The following COX10 variants were observed in gnomAD, a reference collection of about 807,000 sequenced individuals.
The protein encoded by COX10 is cytochrome c oxidase assembly factor heme A:farnesyltransferase COX10.
Under a neutral mutation model 37.3 loss-of-function variants are expected in COX10, and 27 were observed. The ratio of observed to expected loss-of-function variants is 0.72; its 90% CI spans 0.53 to 1.00. The LOEUF (loss-of-function observed/expected upper bound fraction) is 1.00. COX10 is among the 50% of genes least tolerant of loss of function. The pLI is 0.00. For missense variants in COX10, 475 were observed against 563.2 expected, an observed-to-expected ratio of 0.84 and a Z score of 1.59; for synonymous variants, 222 against 229.1, an observed-to-expected ratio of 0.97 and a Z score of 0.28.
chr17:14,080,483 G>T (rs1232485661), intron 3 of COX10, among the ~76,000 whole-genome samples: 2 of 152,052 alleles, frequency 1.3e-5, no homozygotes, highest in African/African-American at 4.8e-5. Flanking sequence ...AAAGTGCTGG[G>T]ATTACAGGCG....
At chr17:14,186,769 C>A (rs1357344382) in intron 5 of COX10, among the ~76,000 whole-genome samples, 1 of 152,038 alleles carries the variant, frequency 6.6e-6, no homozygotes, top group Non-Finnish European at 1.5e-5. Context: ...TCCAGCCACC[C>A]CAGGCCCTCA....
intron 4 of COX10, among the ~76,000 whole-genome samples, chr17:14,158,570 A>G: frequency 6.6e-6 from 1 of 152,118 alleles, no homozygotes; most frequent in Admixed American, 6.5e-5. Context: ...TACAGACATA[A>G]GTAAGAAATG....
rs190592895 is a variant in COX10, at chr17:14,179,465, A to G, written c.696-12524A>G. The stretch of plus-strand genomic sequence containing the variant: ...CAAGCACTGTCAGTTTTGTTTTTAT[A>G]ATGCTCAAAGTTTTATAATCTGGGT... On this transcript the variant is annotated intron_variant, in intron 5 of 6. Transcript: ENST00000261643. 9.0e-4 allele frequency among the ~76,000 whole-genome samples: 137 copies of G among 152,336 alleles called. 1 individual carries two copies. The highest frequency in any genetic ancestry group is 3.0e-3 in the African/African-American group (123 of 41,582).
chr17:14,138,338 A>G (rs1904439670), intron 4 of COX10, among the ~76,000 whole-genome samples: 1 of 152,186 alleles, frequency 6.6e-6, no homozygotes, highest in South Asian at 2.1e-4. Context: ...ACTTTACATT[A>G]ACTTAGCCCA....
chr17:14,077,841 A>G (rs1340650519), intron 3 of COX10, among the ~76,000 whole-genome samples: 1 of 152,090 alleles, frequency 6.6e-6, no homozygotes, highest in Admixed American at 6.6e-5. Context: ...TGAGGACAGA[A>G]AGTGGTAAAT....
chr17:14,141,714 T>A (rs898432179), intron 4 of COX10, among the ~76,000 whole-genome samples: 4 of 152,136 alleles, frequency 2.6e-5, no homozygotes, highest in Admixed American at 6.5e-5. Context: ...TAACATTGTT[T>A]TATATAATTG....
chr17:14,081,723 A>G (rs1240987798), intron 3 of COX10, among the ~76,000 whole-genome samples: 1 of 152,216 alleles, frequency 6.6e-6, no homozygotes, highest in Non-Finnish European at 1.5e-5. Context: ...AACATTTGCA[A>G]ATGACATACA....
chr17:14,080,063 C>T lies in COX10; in HGVS notation c.499+3007C>T, dbSNP rs979802487. ...AGCAACTCTGTTACTTTTACGTATA[C>T]GTCTTTGTACTCACGTGAGTCTGCC... On this transcript the variant is annotated intron_variant, in intron 3 of 6. Transcript: ENST00000261643. 3.3e-5 allele frequency among the ~76,000 whole-genome samples: 5 copies of T among 152,010 alleles called. No individual in the cohort carries two copies. In the East Asian group the frequency reaches 5.8e-4, roughly 18 times the overall value.
intron 4 of COX10, among the ~76,000 whole-genome samples, chr17:14,147,579 C>T (rs572335027): frequency 3.5e-4 from 54 of 152,118 alleles, no homozygotes; most frequent in African/African-American, 1.2e-3. Flanking sequence ...TTTGATAGTA[C>T]AGCAGAGTGA....
chr17:14,097,565 A>C (rs1310798797), intron 3 of COX10, among the ~76,000 whole-genome samples: 1 of 152,096 alleles, frequency 6.6e-6, no homozygotes, highest in Non-Finnish European at 1.5e-5. Flanking sequence ...CATTTGATGT[A>C]CTTTCTCTGT....
chr17:14,123,995 G>T (rs541235455), intron 4 of COX10, among the ~76,000 whole-genome samples: 6 of 152,136 alleles, frequency 3.9e-5, no homozygotes, highest in African/African-American at 1.4e-4. Context: ...CTTGCCTTTT[G>T]TTACTTAAAA....
At chr17:14,083,334 T>C (rs1915340446) in intron 3 of COX10, among the ~76,000 whole-genome samples, 1 of 152,230 alleles carries the variant, frequency 6.6e-6, no homozygotes, top group African/African-American at 2.4e-5. Flanking sequence ...AAGTCACATG[T>C]GTTTTGGAGT....
chr17:14,186,079 C>T (rs534372331), intron 5 of COX10, among the ~76,000 whole-genome samples: 1 of 152,308 alleles, frequency 6.6e-6, no homozygotes, highest in South Asian at 2.1e-4. Context: ...GTGGTGTGCC[C>T]ACGATTCTTC....
chr17:14,175,604 G>T (rs902602918), intron 5 of COX10, among the ~76,000 whole-genome samples: 5 of 151,978 alleles, frequency 3.3e-5, no homozygotes, highest in African/African-American at 1.2e-4. Flanking sequence ...CTAAATGCTG[G>T]AATATGACCA....
intron 4 of COX10, among the ~76,000 whole-genome samples, chr17:14,131,701 A>G (rs1210023396): frequency 1.3e-5 from 2 of 152,060 alleles, no homozygotes; most frequent in African/African-American, 4.8e-5. Flanking sequence ...TTCCCCTTCA[A>G]ATAAATCATT....
At chr17:14,104,414 G>A (rs546719509) in intron 4 of COX10, among the ~76,000 whole-genome samples, 1 of 152,152 alleles carries the variant, frequency 6.6e-6, no homozygotes, top group Admixed American at 6.5e-5. Flanking sequence ...AGAACAAAGA[G>A]CACTGGGCAA....
intron 4 of COX10, among the ~76,000 whole-genome samples, chr17:14,104,333 T>C (rs1000283715): frequency 1.3e-5 from 2 of 152,174 alleles, no homozygotes; most frequent in Non-Finnish European, 2.9e-5. Context: ...GTTCCAGTGT[T>C]AGGCAATCTT....
At position 14,206,798 on chromosome 17, in the gene COX10, A is replaced by ACGC. The variant is rs1555542475; in HGVS notation, c.929-11_929-10insGCC. ...GCCTTTGTCTCCCTCTCCTTCCCTG[A>ACGC]CCCCCGCACAGGCGCATTTCTCCTG... On this transcript the variant is annotated splice_polypyrimidine_tract_variant and intron_variant, in intron 6 of 6. Coordinates refer to ENST00000261643, the MANE Select transcript of COX10 (RefSeq NM_001303.4). The ACGC allele has an allele frequency of 2.5e-6, 4 of 1,613,662 alleles. No individual in the cohort carries two copies. The highest frequency in any genetic ancestry group is 1.1e-5 in the South Asian group (1 of 91,060).
intron 4 of COX10, among the ~76,000 whole-genome samples, chr17:14,122,973 A>G (rs2142214026): frequency 6.6e-6 from 1 of 152,308 alleles, no homozygotes; most frequent in Non-Finnish European, 1.5e-5. Flanking sequence ...TCAGCACTGG[A>G]AAGAGAATAG....
Sources: allele counts gnomAD v4.1 joint callset (sites outside exome capture counted in the v4.1 genomes callset), GRCh38; gene constraint gnomAD v4.1.1; transcripts MANE v1.5; gene names NCBI Gene and HGNC (gene_info 2026-07-23, HGNC 2026-07-21).